STRC: variants seen among roughly 807,000 people sequenced by gnomAD.
STRC encodes stereocilin.
STRC carries 43 observed loss-of-function variants against 103.5 expected under a neutral mutation model. The observed-to-expected ratio is 0.42, with a 90% confidence interval of 0.33 to 0.54. The LOEUF (loss-of-function observed/expected upper bound fraction) is 0.54. STRC is among the 20% of genes least tolerant of loss of function. The pLI is 0.14. For missense variants in STRC, 499 were observed against 1,088.5 expected (o/e 0.46, Z 7.62); for synonymous variants, 186 against 442.3 (o/e 0.42, Z 7.27).
At chr15:43,601,581 GA>G (rs771108741) in intron 23 of STRC, 30 bp from the exon 24 acceptor site, 2 of 1,611,716 alleles carry the variant, frequency 1.2e-6, no homozygotes, top group Admixed American at 3.3e-5. Context: ...AATGTGAGTG[GA>G]AAAGCAGTGG....
At chr15:43,608,417 C>A (rs112305105) in intron 16 of STRC, among the ~76,000 whole-genome samples, 5 of 141,512 alleles carry the variant, frequency 3.5e-5, no homozygotes, top group Admixed American at 2.8e-4. Flanking sequence ...GGTGACATTC[C>A]CAACATCATT....
chr15:43,602,936 C>A (rs1473052855), intron 23 of STRC, among the ~76,000 whole-genome samples: 1 of 151,566 alleles, frequency 6.6e-6, no homozygotes, highest in East Asian at 1.9e-4. Context: ...TGAGCCGCTG[C>A]ACCCAGCCGA....
intron 21 of STRC, 95 bp from the exon 22 acceptor site, chr15:43,604,247 T>C: frequency 6.3e-7 from 1 of 1,595,608 alleles, no homozygotes; most frequent in South Asian, 1.1e-5. Context: ...TGTTTTGCAG[T>C]CTCCCCCCAG....
In STRC at chr15:43,603,868, T is replaced by A. The variant is rs766970936; in HGVS notation, c.4375+128A>T. 7.9e-5 allele frequency: 120 copies of A among 1,516,490 alleles called. 1 individual carries two copies. Among genetic ancestry groups the A allele is most frequent in the Non-Finnish European group, 1.0e-4 (114 of 1,123,468 alleles). The allele number at this position is 1,516,490 out of a possible 1,614,324, so 93.9% of individuals were successfully genotyped here. A position where few individuals can be genotyped will look rare whatever the true frequency, so the allele number is the denominator to read the frequency against. On this transcript the variant is annotated intron_variant, in intron 22 of 28. Coordinates refer to ENST00000450892, the MANE Select transcript of STRC (RefSeq NM_153700.2). Reference sequence around the variant, plus strand: ...TCTAGAACTACAAGAGGCTTGAAGATCATCCCTCTAAACTCTTTGCTTTAT... The same window carrying A: ...TCTAGAACTACAAGAGGCTTGAAGAACATCCCTCTAAACTCTTTGCTTTAT...
chr15:43,604,671 A>T lies in STRC; in HGVS notation c.4106T>A (p.Leu1369Gln), dbSNP rs756916906. 5 of 1,613,532 alleles carry T rather than the reference A, an allele frequency of 3.1e-6. No homozygotes were observed. In the African/African-American group the frequency reaches 6.7e-5, roughly 22 times the overall value. Reference protein sequence around the residue: ...ETFATELGWLLLQESVLGKPE... With the variant: ...ETFATELGWLQLQESVLGKPE... ...ATACCCAAGAACAGACTCCTGCAAT[A>T]GCAGCCATCCCAGCTCTGTGGCAAA... The change falls in exon 20 of 29, where the codon CTA becomes CAA. Residue 1369 changes from leucine (L) to glutamine (Q), a missense_variant. Physicochemically the swap from Leu to Gln is moderately radical, Grantham distance 113. Coordinates refer to ENST00000450892, the MANE Select transcript of STRC (RefSeq NM_153700.2).
intron 16 of STRC, 31 bp downstream of exon 16, chr15:43,609,245 T>C: frequency 1.2e-6 from 2 of 1,607,488 alleles, no homozygotes; most frequent in Non-Finnish European, 1.7e-6. Flanking sequence ...GTTGGTCGAA[T>C]TCAGCGCACT....
At chr15:43,604,871 A>G in intron 19 of STRC, 25 bp from the exon 20 acceptor site, 1 of 1,587,208 alleles carries the variant, frequency 6.3e-7, no homozygotes, top group Non-Finnish European at 8.6e-7. Flanking sequence ...CAGAACTTGG[A>G]CAATGCACTT....
At position 43,618,319 on chromosome 15, in the gene STRC, AG is replaced by A. The variant is rs1381371789; in HGVS notation, c.101del (p.Pro34LeufsTer6). ...LAPTGPHSLDPGLSFLKSLLS... is the reference protein window; with the variant it reads ...LAPTGPHSLDXGLSFLKSLLS... Reference sequence around the variant, plus strand: ...GCAATGACTTCAGGAAGGAGAGACCAGGGTCCAGGGAATGAGGCCCAGTAGG... The same window carrying A: ...GCAATGACTTCAGGAAGGAGAGACCAGGTCCAGGGAATGAGGCCCAGTAGG... On this transcript the variant is annotated frameshift_variant, in exon 2 of 29. Transcript: ENST00000450892. LOFTEE classifies it high-confidence loss of function. 8.4e-6 allele frequency: 4 copies of A among 478,478 alleles called. No individual in the cohort carries two copies. The Admixed American group carries it at 1.8e-4, about 22-fold the overall frequency. The allele number at this position is 478,478 out of a possible 1,614,324, so 29.6% of individuals were successfully genotyped here.
Position 43,603,301 on chromosome 15 carries a change from C to A in STRC, c.4486G>T (p.Ala1496Ser). 4.3e-6 allele frequency: 7 copies of A among 1,613,828 alleles called. No homozygotes were observed. Among genetic ancestry groups the A allele is most frequent in the Non-Finnish European group, 5.9e-6 (7 of 1,179,882 alleles). ...TCAGGCCCAAGTCCTGGGTCTCCTG[C>A]AAATAATGTCAGGCAGTCCTCAAAG... ...SDFEDCLTLFAGDPGLGPEEL... is the reference protein window; with the variant it reads ...SDFEDCLTLFSGDPGLGPEEL... Residue 1496 changes from alanine (A) to serine (S), a missense_variant, in exon 23 of 29, where the codon GCA becomes TCA. Transcript: ENST00000450892.
rs1186239210 is a variant in STRC at position 43,604,717 on chromosome 15, C to A, written c.4060G>T (p.Gly1354Cys). 4 of 1,613,542 alleles carry A rather than the reference C, an allele frequency of 2.5e-6. No individual in the cohort carries two copies. In the South Asian group the frequency reaches 4.4e-5, roughly 18 times the overall value. Residue 1354 changes from glycine (G) to cysteine (C), a missense_variant, in exon 20 of 29, where the codon GGC becomes TGC. Gly to Cys is a radical substitution (Grantham distance 159). Transcript: ENST00000450892. ...ILLSHLSQLQ[G>C]FCLGETFATE... ...GCAAATGTCTCTCCTAGGCAGAAGC[C>A]TTGCAGCTGACTGAGATGGGACAGC... is the stretch of plus-strand genomic sequence containing the variant.
At chr15:43,607,124 C>T (rs1210704425) in intron 18 of STRC, among the ~76,000 whole-genome samples, 4 of 143,840 alleles carry the variant, frequency 2.8e-5, no homozygotes, top group South Asian at 2.3e-4. Flanking sequence ...ACTTACAGTG[C>T]GGATGGCAAC....
At chr15:43,603,774 G>A (rs1024576490) in intron 22 of STRC, among the ~76,000 whole-genome samples, 1 of 151,988 alleles carries the variant, frequency 6.6e-6, no homozygotes, top group African/African-American at 2.4e-5. Flanking sequence ...AGACACGAGA[G>A]AGCAGGAAAA....
At chr15:43,608,273 ACT>A in intron 16 of STRC, 70 bp from the exon 17 acceptor site, 1 of 1,091,770 alleles carries the variant, frequency 9.2e-7, no homozygotes, top group Non-Finnish European at 1.4e-6. Context: ...TGATATCAGT[ACT>A]CTCAACACAA....
rs1272505767 is a variant in STRC, at chr15:43,600,454, T to C, written c.4993+80A>G. 4.4e-5 allele frequency: 70 copies of C among 1,599,940 alleles called. No individual in the cohort carries two copies. In the South Asian group the frequency reaches 5.7e-4, roughly 13 times the overall value. On this transcript the variant is annotated intron_variant, in intron 26 of 28. Transcript: ENST00000450892. Reference sequence around the variant, plus strand: ...CACCCTCAGGCCCCCACCTTAAGAATTGCAGGGCAGTCTTCCATCCAGTCC... The same window carrying C: ...CACCCTCAGGCCCCCACCTTAAGAACTGCAGGGCAGTCTTCCATCCAGTCC...
At position 43,618,214 on chromosome 15, in the gene STRC, GGAA is replaced by G; in HGVS notation, c.204_206del (p.Ser69del). 1.3e-6 allele frequency: 1 copy of G among 760,866 alleles called. No homozygotes were observed. The highest frequency in any genetic ancestry group is 2.1e-6 in the Non-Finnish European group (1 of 471,702). The allele number at this position is 760,866 out of a possible 1,614,324, so 47.1% of individuals were successfully genotyped here. A position where few individuals can be genotyped will look rare whatever the true frequency, so the allele number is the denominator to read the frequency against. ...CTTCCCCCATTCTCCCAGGCTCAAA[GGAA>G]GAAGAAATGTTGGCCAGGAATGTAA... On this transcript the variant is annotated inframe_deletion, in exon 2 of 29. Transcript: ENST00000450892.
Position 43,600,271 on chromosome 15 carries a change from A to C in STRC, c.5016T>G (p.Leu1672=). ...TIAAGIPDLA[L]SALLRGQIQG... ...GGATCTGTCCCCGCAGCAGTGCTGAAAGAGCCAGGTCTGGGATCCCAGCTG... is the reference window on the plus strand; with the variant it reads ...GGATCTGTCCCCGCAGCAGTGCTGACAGAGCCAGGTCTGGGATCCCAGCTG... Residue 1672 remains leucine, a synonymous_variant, in exon 27 of 29, where the codon CTT becomes CTG. Coordinates refer to ENST00000450892, the MANE Select transcript of STRC (RefSeq NM_153700.2). The C allele has an allele frequency of 8.8e-7, 1 of 1,137,060 alleles. No homozygotes were observed. Among genetic ancestry groups the C allele is most frequent in the Non-Finnish European group, 1.3e-6 (1 of 775,340 alleles). The allele number at this position is 1,137,060 out of a possible 1,614,324, so 70.4% of individuals were successfully genotyped here.
rs140729822 is a variant in STRC, at chr15:43,601,534, C to G, written c.4563G>C (p.Arg1521=). 6.2e-7 allele frequency: 1 copy of G among 1,613,792 alleles called. No homozygotes were observed. The change falls in exon 24 of 29, where the codon CGG becomes CGC. Residue 1521 remains arginine (R), a synonymous_variant. Transcript: ENST00000450892. ...GKAKQLWGPP[R]GFRPEQILQL... Reference sequence around the variant, plus strand: ...GCAGGATCTGCTCAGGACGAAATCCCCGGGGGGGACCCCACAACTAGGAGA... The same window carrying G: ...GCAGGATCTGCTCAGGACGAAATCCGCGGGGGGGACCCCACAACTAGGAGA...
chr15:43,603,261 G>A lies in STRC; in HGVS notation c.4526C>T (p.Ala1509Val). ...PGLGPEELRA[A>V]MGKAKQLWGP... is the part of the protein sequence containing the mutation. Reference sequence around the variant, plus strand: ...CCTAACCTGTTTTGCTTTGCCCATGGCTGCCCGCAGTTCCTCAGGCCCAAG... The same window carrying A: ...CCTAACCTGTTTTGCTTTGCCCATGACTGCCCGCAGTTCCTCAGGCCCAAG... Residue 1509 changes from alanine (A) to valine (V), a missense_variant, in exon 23 of 29, where the codon GCC (alanine) becomes GTC (valine). Ala to Val is a moderately conservative substitution (Grantham distance 64). Coordinates refer to ENST00000450892, the MANE Select transcript of STRC (RefSeq NM_153700.2). 1 of 1,613,582 alleles carries A rather than the reference G, an allele frequency of 6.2e-7. No individual in the cohort carries two copies. The highest frequency in any genetic ancestry group is 8.5e-7 in the Non-Finnish European group (1 of 1,179,792).
At chr15:43,603,515 C>T in intron 22 of STRC, 104 bp from the exon 23 acceptor site, 1 of 1,254,654 alleles carries the variant, frequency 8.0e-7, no homozygotes, top group Non-Finnish European at 1.2e-6. Context: ...GGATAGAGCA[C>T]TGTGAGAAAT....
Sources: allele counts gnomAD v4.1 joint callset (sites outside exome capture counted in the v4.1 genomes callset), GRCh38; gene constraint gnomAD v4.1.1; transcripts MANE v1.5; gene names NCBI Gene and HGNC (gene_info 2026-07-23, HGNC 2026-07-21).